The following NHSL1 variants were observed in gnomAD, a reference collection of about 807,000 sequenced individuals.
NHSL1 encodes NHS like 1, also known as NHS-like protein 1.
NHSL1 carries 48 observed loss-of-function variants against 95.0 expected under a neutral mutation model. That is an observed-to-expected ratio of 0.51 (90% CI 0.40 to 0.64). NHSL1 has a LOEUF of 0.64. NHSL1 is among the 30% of genes least tolerant of loss of function. The pLI, the probability that NHSL1 is intolerant of heterozygous loss-of-function variation, is 0.00. For synonymous variants in NHSL1, 783 were observed against 833.9 expected, an observed-to-expected ratio of 0.94 and a Z score of 1.05; for missense variants, 1,971 against 2,077.7, an observed-to-expected ratio of 0.95 and a Z score of 1.00.
intron 2 of NHSL1, among the ~76,000 whole-genome samples, chr6:138,473,742 A>C (rs1778898402): frequency 6.6e-6 from 1 of 152,118 alleles, no homozygotes. Context: ...AGTTTAGGGT[A>C]ATTATATTAT....
chr6:138,581,645 T>G (rs1217579820), intron 1 of NHSL1, among the ~76,000 whole-genome samples: 1 of 134,082 alleles, frequency 7.5e-6, no homozygotes, highest in Non-Finnish European at 1.5e-5. Flanking sequence ...TGAGCCGAGA[T>G]CATGCCACCG....
intron 1 of NHSL1, among the ~76,000 whole-genome samples, chr6:138,616,671 T>C (rs925922521): frequency 1.3e-5 from 2 of 152,256 alleles, no homozygotes; most frequent in Middle Eastern, 3.4e-3. Context: ...AACCAGATCA[T>C]AGAGCCCACC....
intron 1 of NHSL1, among the ~76,000 whole-genome samples, chr6:138,544,435 T>C (rs938908858): frequency 1.3e-5 from 2 of 152,068 alleles, no homozygotes; most frequent in African/African-American, 2.4e-5. Flanking sequence ...TTTTTGTTCT[T>C]ACCCCTTCAA....
intron 1 of NHSL1, chr6:138,571,586 A>T (rs1783840200): frequency 2.3e-6 from 2 of 876,946 alleles, no homozygotes; most frequent in Admixed American, 5.7e-5. Context: ...ATTCCAATAC[A>T]AAAACAAACA....
At chr6:138,627,529 T>C (rs1240018629) in intron 1 of NHSL1, among the ~76,000 whole-genome samples, 1 of 152,098 alleles carries the variant, frequency 6.6e-6, no homozygotes. Context: ...TCTTTAATCG[T>C]CAGAAAAAAA....
intron 1 of NHSL1, among the ~76,000 whole-genome samples, chr6:138,662,710 G>A (rs1278993881): frequency 1.3e-5 from 2 of 151,760 alleles, no homozygotes; most frequent in East Asian, 1.9e-4. Flanking sequence ...GATATATGAC[G>A]ACTATTCATT....
chr6:138,533,374 C>A (rs544799855), intron 1 of NHSL1, among the ~76,000 whole-genome samples: 2 of 151,996 alleles, frequency 1.3e-5, no homozygotes, highest in Non-Finnish European at 2.9e-5. Context: ...ACCAGCCTGA[C>A]CAACATGGAG....
At chr6:138,485,645 T>C (rs575234494) in intron 2 of NHSL1, among the ~76,000 whole-genome samples, 23 of 152,266 alleles carry the variant, frequency 1.5e-4, no homozygotes, top group Non-Finnish European at 2.6e-4. Flanking sequence ...TTCCGTGCCA[T>C]CAAATTCAAT....
intron 1 of NHSL1, among the ~76,000 whole-genome samples, chr6:138,612,320 C>A (rs979473693): frequency 6.6e-6 from 1 of 151,936 alleles, no homozygotes; most frequent in Non-Finnish European, 1.5e-5. Flanking sequence ...ACAAGAACTG[C>A]GTAATTTTAA....
At chr6:138,674,976 A>G (rs1376633909) in intron 1 of NHSL1, among the ~76,000 whole-genome samples, 1 of 151,950 alleles carries the variant, frequency 6.6e-6, no homozygotes, top group African/African-American at 2.4e-5. Context: ...TGAGCCCAGA[A>G]GTTCAAGGTT....
intron 1 of NHSL1, among the ~76,000 whole-genome samples, chr6:138,669,239 A>G (rs1196551874): frequency 6.6e-6 from 1 of 152,142 alleles, no homozygotes; most frequent in African/African-American, 2.4e-5. Flanking sequence ...ACCCCTCTCA[A>G]AGCCCTACTG....
intron 1 of NHSL1, among the ~76,000 whole-genome samples, chr6:138,514,338 C>CAAAA (rs1463857873): frequency 6.6e-5 from 10 of 150,996 alleles, no homozygotes; most frequent in Non-Finnish European, 7.4e-5. Flanking sequence ...AACAAACAAA[C>CAAAA]AAACAAAACA....
At chr6:138,576,846 C>T (rs1326541337), upstream of NHSL1, among the ~76,000 whole-genome samples, 1 of 152,184 alleles carries the variant, frequency 6.6e-6, no homozygotes, top group Non-Finnish European at 1.5e-5. Context: ...TAGTTCTCCA[C>T]ATTTGAGGGT....
Position 138,499,282 on chromosome 6 carries a change from G to T in NHSL1, c.9C>A (p.Val3=). The change falls in exon 1 of 8, where the codon GTC becomes GTA. Residue 3 remains valine (V), a synonymous_variant. Transcript: ENST00000343505. ...AAGACTTAATCTTTGCATTAATGAA[G>T]ACCACCATTTCCAGGGCACCTACAT... MV[V]FINAKIKSLI... 1 of 1,550,584 alleles carries T rather than the reference G, an allele frequency of 6.4e-7. No homozygotes were observed. The highest frequency in any genetic ancestry group is 1.2e-5 in the South Asian group (1 of 83,994).
At chr6:138,452,413 G>A (rs1344555691) in intron 3 of NHSL1, among the ~76,000 whole-genome samples, 1 of 152,188 alleles carries the variant, frequency 6.6e-6, no homozygotes, top group Non-Finnish European at 1.5e-5. Flanking sequence ...TGATCCAAAA[G>A]TGGGATTAAC....
intron 1 of NHSL1, among the ~76,000 whole-genome samples, chr6:138,662,633 T>C (rs892479282): frequency 6.6e-6 from 1 of 152,196 alleles, no homozygotes; most frequent in Admixed American, 6.5e-5. Context: ...AAGTGAGTCA[T>C]TCACAAATGC....
chr6:138,650,243 T>C, intron 1 of NHSL1: 1 of 639,158 alleles, frequency 1.6e-6, no homozygotes. Context: ...AAGATGATCC[T>C]GATGACACCC....
Position 138,692,523 on chromosome 6 carries a change from G to A in NHSL1, c.50C>T (p.Ala17Val). 5.0e-6 allele frequency: 1 copy of A among 200,486 alleles called. No homozygotes were observed. The highest frequency in any genetic ancestry group is 7.3e-5 in the South Asian group (1 of 13,644). 12.4% of individuals were successfully genotyped at this position (200,486 alleles called of 1,614,324 possible). Residue 17 changes from alanine to valine, a missense_variant, in exon 1 of 4, where the codon GCC (alanine) becomes GTC (valine). Ala to Val is a moderately conservative substitution (Grantham distance 64). Transcript: ENST00000491526. This position sits in a 1 kb window ranked among gnomAD's most constrained non-coding sequence, Gnocchi z 4.0. ...CAGGCGCGCAGCGGCGGCTTGCAGG[G>A]CGTCGAGGCGGCGGTGCAGCGCGGC... is the stretch of plus-strand genomic sequence containing the variant.
intron 1 of NHSL1, among the ~76,000 whole-genome samples, chr6:138,602,027 A>C (rs1300838621): frequency 6.6e-6 from 1 of 152,202 alleles, no homozygotes; most frequent in Non-Finnish European, 1.5e-5. Flanking sequence ...ATACAGAAAA[A>C]TGGTAACTAC....
Sources: gnomAD v4.1 joint callset for allele counts (sites outside exome capture counted in the v4.1 genomes callset) on GRCh38, gnomAD v4.1.1 for gene constraint, Gnocchi (gnomAD v3.1) non-coding constraint, MANE v1.5 for transcripts, NCBI Gene and HGNC (gene_info 2026-07-23, HGNC 2026-07-21) for gene names.